HADHA: variants seen among roughly 807,000 people sequenced by gnomAD.
The protein encoded by HADHA is hydroxyacyl-CoA dehydrogenase trifunctional multienzyme complex subunit alpha.
In HADHA, 59 loss-of-function variants were observed where a neutral mutation model predicts 91.3. That is an observed-to-expected ratio of 0.65 (90% confidence interval 0.52 to 0.80). The LOEUF (loss-of-function observed/expected upper bound fraction) is 0.80. HADHA is among the 30% of genes least tolerant of loss of function. The pLI, the probability that HADHA is intolerant of heterozygous loss-of-function variation, is 0.00. For missense variants in HADHA, 800 were observed against 927.6 expected (o/e 0.86, Z 1.79); for synonymous variants, 320 against 338.9 (o/e 0.94, Z 0.61).
intron 1 of HADHA, among the ~76,000 whole-genome samples, chr2:26,240,222 A>G (rs926251165): frequency 2.0e-5 from 3 of 152,096 alleles, no homozygotes; most frequent in African/African-American, 4.8e-5. Flanking sequence ...TTCCAACATA[A>G]TCTGTTATTC....
rs1023216845 is a variant in HADHA, at chr2:26,236,783, G to T, written c.314+72C>A. The T allele has an allele frequency of 1.0e-5, 12 of 1,184,364 alleles. No individual in the cohort carries two copies. The African/African-American group carries it at 1.4e-4, about 13-fold the overall frequency. The allele number at this position is 1,184,364 out of a possible 1,614,324, so 73.4% of individuals were successfully genotyped here. On this transcript the variant is annotated intron_variant, in intron 4 of 19. Coordinates refer to ENST00000380649, the MANE Select transcript of HADHA (RefSeq NM_000182.5). ...CAGCACTTCTACTTTCTTTTAAAAG[G>T]AGAAATTATTAGGCCTAAGAAACAC...
At chr2:26,216,547 C>A (rs959783745) in intron 7 of HADHA, among the ~76,000 whole-genome samples, 2 of 152,032 alleles carry the variant, frequency 1.3e-5, no homozygotes, top group Non-Finnish European at 2.9e-5. Context: ...TCTTGAATTC[C>A]TGACCTCAAA....
chr2:26,241,576 G>C (rs532585913), intron 1 of HADHA, among the ~76,000 whole-genome samples: 1 of 151,926 alleles, frequency 6.6e-6, no homozygotes, highest in South Asian at 2.1e-4. Context: ...ACTTGAACCC[G>C]GGAGGCGGAG....
At chr2:26,198,368 T>TG (rs1268440161) in intron 13 of HADHA, among the ~76,000 whole-genome samples, 2 of 52,734 alleles carry the variant, frequency 3.8e-5, no homozygotes, top group East Asian at 6.8e-4. Flanking sequence ...AACTTATTCA[T>TG]GTTTTTTTTT....
chr2:26,236,044 T>A (rs1296856603), intron 4 of HADHA, among the ~76,000 whole-genome samples: 1 of 152,248 alleles, frequency 6.6e-6, no homozygotes, highest in Non-Finnish European at 1.5e-5. Context: ...AATTATTCCA[T>A]GTTTGGTTTT....
rs1669824443 is a variant in HADHA at position 26,201,197 on chromosome 2, C to G, written c.1344G>C (p.Val448=). The G allele has an allele frequency of 1.2e-6, 2 of 1,613,924 alleles. No individual in the cohort carries two copies. The highest frequency in any genetic ancestry group is 2.7e-5 in the African/African-American group (2 of 74,938). Residue 448 remains valine, a synonymous_variant, in exon 13 of 20, where the codon GTG becomes GTC. Transcript: ENST00000380649. Reference sequence around the variant, plus strand: ...TGTGCTTAAGACTAAGGTCCTCAAACACAGCTTCAATCACCATGTCGGCCT... The same window carrying G: ...TGTGCTTAAGACTAAGGTCCTCAAAGACAGCTTCAATCACCATGTCGGCCT... ...FEKADMVIEA[V]FEDLSLKHRV...
intron 7 of HADHA, among the ~76,000 whole-genome samples, chr2:26,218,788 A>C (rs1399571785): frequency 1.3e-5 from 2 of 152,014 alleles, no homozygotes; most frequent in Non-Finnish European, 2.9e-5. Flanking sequence ...CAGGCAGATC[A>C]CTTGAAGACA....
chr2:26,209,592 C>T (rs1049927183), intron 11 of HADHA, among the ~76,000 whole-genome samples, 188 bp downstream of exon 11: 1 of 152,112 alleles, frequency 6.6e-6, no homozygotes, highest in Non-Finnish European at 1.5e-5. Flanking sequence ...TTGGAAAAAA[C>T]TCAGAACAGG....
At chr2:26,242,534 T>C (rs946460730) in intron 1 of HADHA, among the ~76,000 whole-genome samples, 1 of 129,462 alleles carries the variant, frequency 7.7e-6, no homozygotes, top group Admixed American at 7.7e-5. Context: ...CTCTCAGATA[T>C]ATACAATCGT....
In HADHA at chr2:26,190,999, A is replaced by C. The variant is rs1043528465; in HGVS notation, c.*251T>G. ...TGGCTTCAGATGGCTCTTGGCTGCC[A>C]CTCTAGGCCTCGGGGCTTATACAAT... On this transcript the variant is annotated 3_prime_UTR_variant, in exon 20 of 20. Transcript: ENST00000380649. 5 of 573,016 alleles carry C rather than the reference A, an allele frequency of 8.7e-6. No homozygotes were observed. The South Asian group carries it at 1.0e-4, about 11-fold the overall frequency. The allele number at this position is 573,016 out of a possible 1,614,324, so 35.5% of individuals were successfully genotyped here.
chr2:26,192,319 T>A lies in HADHA; in HGVS notation c.1991A>T (p.Lys664Met). The A allele has an allele frequency of 6.4e-7, 1 of 1,565,538 alleles. No homozygotes were observed. The highest frequency in any genetic ancestry group is 1.1e-5 in the South Asian group (1 of 90,154). Reference sequence around the variant, plus strand: ...ACTCAAACGGACTTACACTTCAGACTTAGGAGGCAGCTTCAGACTCGCTAA... The same window carrying A: ...ACTCAAACGGACTTACACTTCAGACATAGGAGGCAGCTTCAGACTCGCTAA... ...SILASLKLPPKSEVSSDEDIQ... is the reference protein window; with the variant it reads ...SILASLKLPPMSEVSSDEDIQ... Residue 664 changes from lysine to methionine, a missense_variant, in exon 18 of 20, where the codon AAG (lysine) becomes ATG (methionine). Lys to Met is a moderately conservative substitution (Grantham distance 95, BLOSUM62 -1). Coordinates refer to ENST00000380649, the MANE Select transcript of HADHA (RefSeq NM_000182.5).
intron 7 of HADHA, among the ~76,000 whole-genome samples, chr2:26,216,590 G>A (rs1018234260): frequency 1.3e-5 from 2 of 152,050 alleles, no homozygotes; most frequent in African/African-American, 4.8e-5. Context: ...CAAAGTGCTA[G>A]GATTACAGGT....
intron 7 of HADHA, among the ~76,000 whole-genome samples, chr2:26,219,006 C>CAACAAA: frequency 9.7e-6 from 1 of 102,710 alleles, no homozygotes; most frequent in East Asian, 2.8e-4. Context: ...GACTCCGTCT[C>CAACAAA]AAAAAAAAAA....
chr2:26,233,714 T>C (rs1670680385), intron 5 of HADHA, among the ~76,000 whole-genome samples: 1 of 152,198 alleles, frequency 6.6e-6, no homozygotes, highest in African/African-American at 2.4e-5. Context: ...CACACCTTCA[T>C]TTACTTGCTT....
intron 12 of HADHA, among the ~76,000 whole-genome samples, chr2:26,201,533 G>C (rs1017694174): frequency 9.9e-5 from 15 of 152,176 alleles, no homozygotes; most frequent in African/African-American, 3.1e-4. Flanking sequence ...TCAAAGACAT[G>C]TTAACTCCCA....
chr2:26,192,177 C>A, intron 18 of HADHA, 133 bp downstream of exon 18: 1 of 651,006 alleles, frequency 1.5e-6, no homozygotes, highest in South Asian at 1.8e-5. Context: ...ACGTGTATAC[C>A]TATGTAACAA....
In HADHA at chr2:26,218,825, T is replaced by C. The variant is rs376632646; in HGVS notation, c.677-3650A>G. ...GAGTTTGAGACCAGCCTGGCCAAGA[T>C]AGTGAAACCCCATCTCTACTAATAT... On this transcript the variant is annotated intron_variant, in intron 7 of 19. Coordinates refer to ENST00000380649, the MANE Select transcript of HADHA (RefSeq NM_000182.5). Among the ~76,000 whole-genome samples the C allele has an allele frequency of 5.9e-5, 9 of 151,562 alleles. No individual in the cohort carries two copies. The South Asian group carries it at 6.2e-4, about 11-fold the overall frequency.
In HADHA at chr2:26,191,048, C is replaced by A; in HGVS notation, c.*202G>T. On this transcript the variant is annotated 3_prime_UTR_variant, in exon 20 of 20. Coordinates refer to ENST00000380649, the MANE Select transcript of HADHA (RefSeq NM_000182.5). Reference sequence around the variant, plus strand: ...ATGAGCAGTGGGCTCTACCTTCCAACAGGAAGTGCAAACTAATTCGAAGTC... The same window carrying A: ...ATGAGCAGTGGGCTCTACCTTCCAAAAGGAAGTGCAAACTAATTCGAAGTC... The A allele has an allele frequency of 1.6e-6, 1 of 644,624 alleles. No individual in the cohort carries two copies. The highest frequency in any genetic ancestry group is 1.8e-5 in the South Asian group (1 of 56,354). 39.9% of individuals were successfully genotyped at this position (644,624 alleles called of 1,614,324 possible).
At chr2:26,237,483 C>G (rs546238690) in intron 3 of HADHA, among the ~76,000 whole-genome samples, 1 of 151,986 alleles carries the variant, frequency 6.6e-6, no homozygotes, top group Non-Finnish European at 1.5e-5. Flanking sequence ...AAAAATTAGC[C>G]GGGCCTGACA....
Sources: gnomAD v4.1 joint callset for allele counts (sites outside exome capture counted in the v4.1 genomes callset) on GRCh38, gnomAD v4.1.1 for gene constraint, MANE v1.5 for transcripts, NCBI Gene and HGNC (gene_info 2026-07-23, HGNC 2026-07-21) for gene names.